Variants in HCN2 observed in about 807,000 individuals in gnomAD.
The protein encoded by HCN2 is potassium/sodium hyperpolarization-activated cyclic nucleotide-gated channel 2.
HCN2 carries 20 observed loss-of-function variants against 52.3 expected under a neutral mutation model. The ratio of observed to expected loss-of-function variants is 0.38; its 90% confidence interval spans 0.27 to 0.56. The LOEUF (loss-of-function observed/expected upper bound fraction) is 0.56. HCN2 is among the 20% of genes least tolerant of loss of function. HCN2 has a pLI of 0.71. For synonymous variants in HCN2, 694 were observed against 537.0 expected (o/e 1.29, Z -4.04); for missense variants, 981 against 1,207.7 (o/e 0.81, Z 2.78).
chr19:600,111 C>A (rs1055199397), intron 1 of HCN2, among the ~76,000 whole-genome samples: 1 of 152,136 alleles, frequency 6.6e-6, no homozygotes, highest in African/African-American at 2.4e-5. Context: ...GGGCTCAGAC[C>A]CCAGTCTGGA....
chr19:616,509 G>C lies in HCN2; in HGVS notation c.*35G>C. On this transcript the variant is annotated 3_prime_UTR_variant, in exon 8 of 8. Coordinates refer to ENST00000251287, the MANE Select transcript of HCN2 (RefSeq NM_001194.4). ...ACCGCCCCGCGGGCCCAGGCGGGCCGGGGGCGGGGCCGTCATCCAGACCAA... is the reference window on the plus strand; with the variant it reads ...ACCGCCCCGCGGGCCCAGGCGGGCCCGGGGCGGGGCCGTCATCCAGACCAA... 8.5e-7 allele frequency: 1 copy of C among 1,174,902 alleles called. No homozygotes were observed. The highest frequency in any genetic ancestry group is 1.1e-6 in the Non-Finnish European group (1 of 943,858). The allele number at this position is 1,174,902 out of a possible 1,614,324, so 72.8% of individuals were successfully genotyped here.
chr19:599,902 G>A (rs1261340327), intron 1 of HCN2, among the ~76,000 whole-genome samples: 1 of 149,456 alleles, frequency 6.7e-6, no homozygotes, highest in Non-Finnish European at 1.5e-5. Flanking sequence ...GTGTGTCAGA[G>A]GGTCTCATGT....
At position 590,609 on chromosome 19, in the gene HCN2, G is replaced by T; in HGVS notation, c.632+32G>T. The T allele has an allele frequency of 7.5e-7, 1 of 1,327,204 alleles. No homozygotes were observed. The highest frequency in any genetic ancestry group is 9.7e-7 in the Non-Finnish European group (1 of 1,026,116). The allele number at this position is 1,327,204 out of a possible 1,614,324, so 82.2% of individuals were successfully genotyped here. On this transcript the variant is annotated intron_variant, in intron 1 of 7. Coordinates refer to ENST00000251287, the MANE Select transcript of HCN2 (RefSeq NM_001194.4). The surrounding 1 kb of genome is among the most constrained non-coding windows in gnomAD (Gnocchi z 7.2). ...CCTCCGGGAGGGCCGGTCGGCGCGA[G>T]GGGGCCCGGGGAGCCGGGCGCGCGG... is the stretch of plus-strand genomic sequence containing the variant.
At position 591,602 on chromosome 19, in the gene HCN2, G is replaced by A. The variant is rs1049799519; in HGVS notation, c.632+1025G>A. On this transcript the variant is annotated intron_variant, in intron 1 of 7. Transcript: ENST00000251287. The surrounding 1 kb of genome is among the most constrained non-coding windows in gnomAD (Gnocchi z 4.1). Reference sequence around the variant, plus strand: ...GTGGGGTGTGAGGTGGGGTGTGGAGGGTGCAGGTGGAGGGTGTAGGTGGGG... The same window carrying A: ...GTGGGGTGTGAGGTGGGGTGTGGAGAGTGCAGGTGGAGGGTGTAGGTGGGG... 6.6e-6 allele frequency among the ~76,000 whole-genome samples: 1 copy of A among 152,096 alleles called. No homozygotes were observed. The highest frequency in any genetic ancestry group is 1.5e-5 in the Non-Finnish European group (1 of 67,968).
intron 6 of HCN2, among the ~76,000 whole-genome samples, 181 bp from the exon 7 acceptor site, chr19:613,671 G>GGAT (rs1983761098): frequency 1.2e-5 from 1 of 85,738 alleles, no homozygotes; most frequent in Non-Finnish European, 2.5e-5. Context: ...CCGGGGATGG[G>GGAT]GATGGGGCCG....
chr19:604,562 GGGCTATGAGGGTTGTGCTGAGCGGGGTCA>G, intron 2 of HCN2, among the ~76,000 whole-genome samples: 6 of 146,100 alleles, frequency 4.1e-5, no homozygotes, highest in Admixed American at 6.9e-5. Context: ...ATCAGGGGCG[GGGCTATGAGGGTTGTGCTGAGCGGGGTCA>G]GACATCCGAG....
In HCN2 at chr19:591,554, CGTGT is replaced by C. The variant is rs1277947388; in HGVS notation, c.632+982_632+985del. ...TCACACACGCGACCATGGAGGGATG[CGTGT>C]GTGTTTGTGTATCCACGAGTGGGGT... On this transcript the variant is annotated intron_variant, in intron 1 of 7. Coordinates refer to ENST00000251287, the MANE Select transcript of HCN2 (RefSeq NM_001194.4). The surrounding 1 kb of genome is among the most constrained non-coding windows in gnomAD (Gnocchi z 4.1). 6.6e-6 allele frequency among the ~76,000 whole-genome samples: 1 copy of C among 151,926 alleles called. No individual in the cohort carries two copies. The highest frequency in any genetic ancestry group is 2.4e-5 in the African/African-American group (1 of 41,352).
In HCN2 at chr19:590,598, G is replaced by C. The variant is rs915462907; in HGVS notation, c.632+21G>C. On this transcript the variant is annotated intron_variant, in intron 1 of 7. Coordinates refer to ENST00000251287, the MANE Select transcript of HCN2 (RefSeq NM_001194.4). The surrounding 1 kb of genome is among the most constrained non-coding windows in gnomAD (Gnocchi z 7.2). ...TTCAGGTACCGCCTCCGGGAGGGCC[G>C]GTCGGCGCGAGGGGGCCCGGGGAGC... 7 of 1,382,594 alleles carry C rather than the reference G, an allele frequency of 5.1e-6. No individual in the cohort carries two copies. The African/African-American group carries it at 8.9e-5, about 18-fold the overall frequency. 85.6% of individuals were successfully genotyped at this position (1,382,594 alleles called of 1,614,324 possible).
rs1170859440 is a variant in HCN2, at chr19:592,976, G to A, written c.632+2399G>A. The stretch of plus-strand genomic sequence containing the variant: ...CCCAATTGCACGGTGGGGATGGTAT[G>A]AGGGAGAAGGATGGGGTCTTTCACA... On this transcript the variant is annotated intron_variant, in intron 1 of 7. Coordinates refer to ENST00000251287, the MANE Select transcript of HCN2 (RefSeq NM_001194.4). This position sits in a 1 kb window ranked among gnomAD's most constrained non-coding sequence, Gnocchi z 4.8. 6.6e-6 allele frequency among the ~76,000 whole-genome samples: 1 copy of A among 152,150 alleles called. No individual in the cohort carries two copies.
rs1294540971 is a variant in HCN2 at position 617,037 on chromosome 19, G to C, written c.*563G>C. 2 of 537,678 alleles carry C rather than the reference G, an allele frequency of 3.7e-6. No homozygotes were observed. The highest frequency in any genetic ancestry group is 6.8e-6 in the Non-Finnish European group (2 of 295,710). The allele number at this position is 537,678 out of a possible 1,614,324, so 33.3% of individuals were successfully genotyped here. ...TGCGCAGGGCGCGGGGGGGAGGCTG[G>C]GGTCCCGCCGCCGTGATGAATGTAC... is the stretch of plus-strand genomic sequence containing the variant. On this transcript the variant is annotated 3_prime_UTR_variant, in exon 8 of 8. Transcript: ENST00000251287.
At chr19:602,666 GCT>G (rs1248315436) in intron 1 of HCN2, among the ~76,000 whole-genome samples, 1 of 152,144 alleles carries the variant, frequency 6.6e-6, no homozygotes, top group Non-Finnish European at 1.5e-5. Flanking sequence ...GCTCCTCTCT[GCT>G]CCTCTGCTGT....
intron 7 of HCN2, 34 bp downstream of exon 7, chr19:614,050 C>G (rs765068470): frequency 1.7e-4 from 254 of 1,503,860 alleles, no homozygotes; most frequent in Non-Finnish European, 2.2e-4. Flanking sequence ...GGGGCGGGTG[C>G]CCTGGCGGGG....
At chr19:594,399 T>G (rs1315309730) in intron 1 of HCN2, among the ~76,000 whole-genome samples, 1 of 152,152 alleles carries the variant, frequency 6.6e-6, no homozygotes, top group East Asian at 1.9e-4. Context: ...TGCCGTCTCC[T>G]GCTGCTGCTG....
At position 591,617 on chromosome 19, in the gene HCN2, T is replaced by G. The variant is rs2144501159; in HGVS notation, c.632+1040T>G. Among the ~76,000 whole-genome samples the G allele has an allele frequency of 6.7e-6, 1 of 150,174 alleles. No homozygotes were observed. The highest frequency in any genetic ancestry group is 1.5e-5 in the Non-Finnish European group (1 of 67,446). On this transcript the variant is annotated intron_variant, in intron 1 of 7. Coordinates refer to ENST00000251287, the MANE Select transcript of HCN2 (RefSeq NM_001194.4). The surrounding 1 kb of genome is among the most constrained non-coding windows in gnomAD (Gnocchi z 4.1). ...GGGTGTGGAGGGTGCAGGTGGAGGG[T>G]GTAGGTGGGGCCCGCCGGGCTAGCG...
At chr19:612,427 T>TGTGTGTGTGTGAGAGA in intron 5 of HCN2, among the ~76,000 whole-genome samples, 260 of 142,342 alleles carry the variant, frequency 1.8e-3, no homozygotes, top group Middle Eastern at 7.2e-3. Context: ...TGTGTGTGTG[T>TGTGTGTGTGTGAGAGA]GAGAGAGAGA....
chr19:603,727 C>T lies in HCN2; in HGVS notation c.816C>T (p.Asn272=). The change falls in exon 2 of 8, where the codon AAC becomes AAT. Residue 272 remains asparagine (N), a synonymous_variant. Transcript: ENST00000251287. The part of the protein sequence containing the change: ...NFRTGIVIED[N]TEIILDPEKI... ...GCACCGGCATTGTGATCGAGGACAA[C>T]ACGGAGATCATCCTGGACCCCGAGA... 3 of 1,612,902 alleles carry T rather than the reference C, an allele frequency of 1.9e-6. No homozygotes were observed. Among genetic ancestry groups the T allele is most frequent in the Non-Finnish European group, 2.5e-6 (3 of 1,179,794 alleles).
At position 616,193 on chromosome 19, in the gene HCN2, G is replaced by T; in HGVS notation, c.2389G>T (p.Gly797Cys). The T allele has an allele frequency of 1.0e-6, 1 of 980,352 alleles. No individual in the cohort carries two copies. The highest frequency in any genetic ancestry group is 1.2e-6 in the Non-Finnish European group (1 of 828,194). The allele number at this position is 980,352 out of a possible 1,614,324, so 60.7% of individuals were successfully genotyped here. A position where few individuals can be genotyped will look rare whatever the true frequency, so the allele number is the denominator to read the frequency against. ...GGCACCGCGGACCTCGCCCTACGGC[G>T]GCCTGCCCGCCGCCCCCCTTGCTGG... is the stretch of plus-strand genomic sequence containing the variant. ...PRAPRTSPYG[G>C]LPAAPLAGPA... is the part of the protein sequence containing the mutation. Residue 797 changes from glycine (G) to cysteine (C), a missense_variant, in exon 8 of 8, where the codon GGC (glycine) becomes TGC (cysteine). Coordinates refer to ENST00000251287, the MANE Select transcript of HCN2 (RefSeq NM_001194.4).
rs955157472 is a variant in HCN2, at chr19:591,918, AC to A, written c.632+1345del. ...AGGAAGGCCCTGGAATCCTCCTCCC[AC>A]CCCAGGCCTTCCTGAGAGGTGAATA... On this transcript the variant is annotated intron_variant, in intron 1 of 7. Coordinates refer to ENST00000251287, the MANE Select transcript of HCN2 (RefSeq NM_001194.4). The surrounding 1 kb of genome is among the most constrained non-coding windows in gnomAD (Gnocchi z 4.1). Among the ~76,000 whole-genome samples the A allele has an allele frequency of 1.3e-5, 2 of 151,942 alleles. No individual in the cohort carries two copies. The highest frequency in any genetic ancestry group is 4.8e-5 in the African/African-American group (2 of 41,362).
rs922358138 is a variant in HCN2 at position 591,747 on chromosome 19, G to A, written c.632+1170G>A. Among the ~76,000 whole-genome samples the A allele has an allele frequency of 6.6e-6, 1 of 152,124 alleles. No individual in the cohort carries two copies. The highest frequency in any genetic ancestry group is 2.4e-5 in the African/African-American group (1 of 41,432). On this transcript the variant is annotated intron_variant, in intron 1 of 7. Coordinates refer to ENST00000251287, the MANE Select transcript of HCN2 (RefSeq NM_001194.4). This position sits in a 1 kb window ranked among gnomAD's most constrained non-coding sequence, Gnocchi z 4.1. Reference sequence around the variant, plus strand: ...TGTCTCTCCTCCTCCAGGCCTGGGCGCCCCAGGACAGCCCCCACGGACCCT... The same window carrying A: ...TGTCTCTCCTCCTCCAGGCCTGGGCACCCCAGGACAGCCCCCACGGACCCT...
Sources: allele counts gnomAD v4.1 joint callset (sites outside exome capture counted in the v4.1 genomes callset), GRCh38; gene constraint gnomAD v4.1.1; non-coding constraint Gnocchi (gnomAD v3.1); transcripts MANE v1.5; gene names NCBI Gene and HGNC (gene_info 2026-07-23, HGNC 2026-07-21).